TCF7L2: variants seen among roughly 807,000 people sequenced by gnomAD.
TCF7L2 encodes the protein transcription factor 7-like 2.
Under a neutral mutation model 77.9 loss-of-function variants are expected in TCF7L2, and 23 were observed. The observed-to-expected ratio is 0.30, with a 90% CI of 0.21 to 0.42. TCF7L2 has a LOEUF of 0.42. TCF7L2 is among the 10% of genes least tolerant of loss of function. TCF7L2 has a pLI of 1.00. For synonymous variants in TCF7L2, 413 were observed against 340.2 expected, an observed-to-expected ratio of 1.21 and a Z score of -2.36; for missense variants, 654 against 793.1, an observed-to-expected ratio of 0.82 and a Z score of 2.11.
chr10:112,964,813 G>GAT lies in TCF7L2; in HGVS notation c.450+189_450+190insAT, dbSNP rs1276867418. Among the ~76,000 whole-genome samples, 5 of 98,432 alleles carry GAT rather than the reference G, an allele frequency of 5.1e-5. No homozygotes were observed. The African/African-American group carries it at 5.2e-4, about 10-fold the overall frequency. The allele number at this position is 98,432 out of a possible 152,430, so 64.6% of individuals were successfully genotyped here. ...TGGTGATGGTGGTGGTGGTGGTGGT[G>GAT]GGGGGGGGTTGAATCACTGGGGGAG... On this transcript the variant is annotated intron_variant, in intron 4 of 13. Coordinates refer to ENST00000627217, the MANE Select transcript of TCF7L2 (RefSeq NM_001146274.2).
chr10:113,113,689 A>T (rs535204221), intron 5 of TCF7L2, among the ~76,000 whole-genome samples: 3 of 152,212 alleles, frequency 2.0e-5, no homozygotes, highest in Non-Finnish European at 2.9e-5. Flanking sequence ...AAGAAATTAA[A>T]TTAGTTTTCC....
intron 4 of TCF7L2, among the ~76,000 whole-genome samples, chr10:113,034,456 G>A (rs559879366): frequency 1.3e-5 from 2 of 152,296 alleles, no homozygotes; most frequent in African/African-American, 4.8e-5. Context: ...TGGACATGAT[G>A]GGCTATGGCT....
intron 5 of TCF7L2, among the ~76,000 whole-genome samples, chr10:113,063,893 CGTGT>C (rs34087825): frequency 0.053 from 7,822 of 147,096 alleles, 242 homozygotes; most frequent in Middle Eastern, 0.083. Flanking sequence ...ATGGATGTGG[CGTGT>C]GTGTGTGTGT....
intron 12 of TCF7L2, chr10:113,159,948 G>A (rs373202228): frequency 6.2e-6 from 10 of 1,603,360 alleles, no homozygotes; most frequent in Non-Finnish European, 8.5e-6. Context: ...AATGCCGAGC[G>A]CGCTTTGGCC....
At chr10:113,127,947 T>C (rs1164563843) in intron 5 of TCF7L2, among the ~76,000 whole-genome samples, 1 of 149,894 alleles carries the variant, frequency 6.7e-6, no homozygotes, top group Admixed American at 6.7e-5. Context: ...TTGCCCATCC[T>C]GTTTGCCGCA....
chr10:113,125,429 A>G (rs1239679194), intron 5 of TCF7L2: 1 of 151,810 alleles, frequency 6.6e-6, no homozygotes, highest in Non-Finnish European at 1.5e-5. Context: ...TTAAAAGCGT[A>G]TTAATCTGGT....
intron 4 of TCF7L2, among the ~76,000 whole-genome samples, chr10:112,999,530 A>C (rs2133308523): frequency 6.6e-6 from 1 of 152,338 alleles, no homozygotes; most frequent in South Asian, 2.1e-4. Context: ...AGAGGAAGCT[A>C]CCCAAAAGAT....
At chr10:112,974,573 G>A (rs1041655351) in intron 4 of TCF7L2, among the ~76,000 whole-genome samples, 18 of 152,232 alleles carry the variant, frequency 1.2e-4, no homozygotes, top group African/African-American at 4.3e-4. Flanking sequence ...CTCCCGAGTG[G>A]CTGGGATTAC....
intron 5 of TCF7L2, chr10:113,129,921 C>T (rs1374190120): frequency 8.5e-6 from 11 of 1,294,320 alleles, no homozygotes; most frequent in African/African-American, 1.5e-5. Flanking sequence ...GTAAGGGAGG[C>T]GCAGTGGCCT....
chr10:112,952,583 G>A (rs1294690056), intron 3 of TCF7L2, among the ~76,000 whole-genome samples: 1 of 152,210 alleles, frequency 6.6e-6, no homozygotes, highest in Non-Finnish European at 1.5e-5. Context: ...GCGCTCGCCA[G>A]CTTCCGTGTA....
chr10:113,073,503 C>CA (rs35730806), intron 5 of TCF7L2, among the ~76,000 whole-genome samples: 966 of 43,954 alleles, frequency 0.022, 39 homozygotes, highest in Admixed American at 0.031. Flanking sequence ...CGGTCTCTAC[C>CA]AAAAAAAAAA....
intron 4 of TCF7L2, among the ~76,000 whole-genome samples, chr10:113,019,106 C>T (rs1217073020): frequency 6.6e-6 from 1 of 152,210 alleles, no homozygotes; most frequent in Non-Finnish European, 1.5e-5. Context: ...GTAGAGCATC[C>T]TCACTCTTCT....
At chr10:113,128,737 A>G (rs939247833) in intron 5 of TCF7L2, among the ~76,000 whole-genome samples, 6 of 152,138 alleles carry the variant, frequency 3.9e-5, no homozygotes, top group Non-Finnish European at 8.8e-5. Flanking sequence ...TAATCCCTCC[A>G]TGAGCAGCCA....
chr10:113,080,559 CT>C (rs992880091), intron 5 of TCF7L2, among the ~76,000 whole-genome samples: 3 of 152,148 alleles, frequency 2.0e-5, no homozygotes, highest in African/African-American at 7.2e-5. Flanking sequence ...TTGATCCTGC[CT>C]GTGGGAATGC....
chr10:113,068,823 T>C (rs1431365983), intron 5 of TCF7L2, among the ~76,000 whole-genome samples: 2 of 152,116 alleles, frequency 1.3e-5, no homozygotes, highest in Non-Finnish European at 2.9e-5. Flanking sequence ...CTCTGAACTT[T>C]GGCCATTCGC....
At chr10:113,158,827 T>C (rs2072496602) in intron 12 of TCF7L2, 110 bp downstream of exon 13, 2 of 1,119,994 alleles carry the variant, frequency 1.8e-6, no homozygotes. Flanking sequence ...GAACATTCTT[T>C]AAAATGACCA....
intron 5 of TCF7L2, among the ~76,000 whole-genome samples, chr10:113,072,026 A>T (rs1304994117): frequency 1.3e-5 from 2 of 151,866 alleles, no homozygotes; most frequent in East Asian, 1.9e-4. Flanking sequence ...CTTGCTTTTT[A>T]AAAATTTTTA....
chr10:113,109,249 A>C (rs2062814390), intron 5 of TCF7L2, among the ~76,000 whole-genome samples: 1 of 152,256 alleles, frequency 6.6e-6, no homozygotes, highest in African/African-American at 2.4e-5. Context: ...ACCTGAGCTC[A>C]AATCCTGATT....
intron 5 of TCF7L2, among the ~76,000 whole-genome samples, chr10:113,060,092 C>A (rs998357279): frequency 6.6e-6 from 1 of 152,114 alleles, no homozygotes; most frequent in African/African-American, 2.4e-5. Flanking sequence ...CAGCGGATAC[C>A]CTGTTAGTGT....
Sources: allele counts gnomAD v4.1 joint callset (sites outside exome capture counted in the v4.1 genomes callset), GRCh38; gene constraint gnomAD v4.1.1; transcripts MANE v1.5; gene names NCBI Gene and HGNC (gene_info 2026-07-23, HGNC 2026-07-21).